TRIO: variants seen among roughly 807,000 people sequenced by gnomAD.
TRIO encodes triple functional domain protein.
In TRIO, 58 loss-of-function variants were observed where a neutral mutation model predicts 351.9. The observed-to-expected ratio is 0.16, with a 90% CI of 0.13 to 0.21. TRIO has a LOEUF of 0.21. Among genes scored for constraint, TRIO ranks in the 10% least tolerant of loss-of-function variants. The pLI, the probability that TRIO is intolerant of heterozygous loss-of-function variation, is 1.00. For synonymous variants in TRIO, 1,758 were observed against 1,595.7 expected (o/e 1.10, Z -2.42); for missense variants, 3,201 against 4,027.8 (o/e 0.79, Z 5.56).
At chr5:14,451,276 G>T (rs920113434) in intron 34 of TRIO, among the ~76,000 whole-genome samples, 1 of 151,688 alleles carries the variant, frequency 6.6e-6, no homozygotes, top group Non-Finnish European at 1.5e-5. Context: ...GATTAACTCA[G>T]TTTTTATGTG....
intron 1 of TRIO, among the ~76,000 whole-genome samples, chr5:14,147,480 T>A (rs1173717741): frequency 6.6e-6 from 1 of 152,186 alleles, no homozygotes; most frequent in African/African-American, 2.4e-5. Flanking sequence ...GGTGCTTACA[T>A]AAATGCAGTA....
intron 40 of TRIO, among the ~76,000 whole-genome samples, chr5:14,475,781 G>A (rs1755029948): frequency 6.6e-6 from 1 of 152,216 alleles, no homozygotes; most frequent in South Asian, 2.1e-4. Context: ...AAATGACACA[G>A]TGTTTCTGGG....
At chr5:14,381,383 T>A in intron 21 of TRIO, 131 bp downstream of exon 21, 21 of 1,134,806 alleles carry the variant, frequency 1.9e-5, no homozygotes, top group Non-Finnish European at 2.5e-5. Context: ...AACTGGAGGA[T>A]GCTTCCTCCT....
At chr5:14,372,982 A>G (rs1745249439) in intron 18 of TRIO, among the ~76,000 whole-genome samples, 2 of 152,218 alleles carry the variant, frequency 1.3e-5, no homozygotes, top group Non-Finnish European at 2.9e-5. Flanking sequence ...GAAAACTTAC[A>G]GTCACTGCAG....
At chr5:14,228,099 C>T (rs1222927908) in intron 1 of TRIO, among the ~76,000 whole-genome samples, 2 of 151,976 alleles carry the variant, frequency 1.3e-5, no homozygotes, top group Admixed American at 6.6e-5. Flanking sequence ...TTCTCATGTC[C>T]GATTTCCTAG....
chr5:14,441,109 C>G (rs751928671), intron 34 of TRIO: 3 of 152,612 alleles, frequency 2.0e-5, no homozygotes, highest in Non-Finnish European at 2.9e-5. Flanking sequence ...TGTGCCTGTC[C>G]CTGTCGCGTC....
At chr5:14,489,283 T>G in intron 48 of TRIO, 1 of 443,190 alleles carries the variant, frequency 2.3e-6, no homozygotes, top group Non-Finnish European at 4.0e-6. Context: ...TTTGTTAAAC[T>G]TTAATTGGGG....
At chr5:14,213,064 G>A (rs1229365123) in intron 1 of TRIO, among the ~76,000 whole-genome samples, 1 of 152,140 alleles carries the variant, frequency 6.6e-6, no homozygotes, top group African/African-American at 2.4e-5. Flanking sequence ...CAGGTGTGAG[G>A]TTCTTCCTGC....
intron 9 of TRIO, among the ~76,000 whole-genome samples, chr5:14,319,304 A>G (rs939656997): frequency 1.4e-4 from 21 of 152,248 alleles, no homozygotes; most frequent in Non-Finnish European, 2.2e-4. Context: ...TTGTGTGAAC[A>G]GGAAATTGCT....
intron 1 of TRIO, among the ~76,000 whole-genome samples, chr5:14,161,472 T>C (rs928041126): frequency 2.0e-5 from 3 of 152,174 alleles, no homozygotes; most frequent in African/African-American, 7.2e-5. Flanking sequence ...AACTGGATTC[T>C]GGACTGGTTC....
chr5:14,488,571 C>G (rs543345277), intron 48 of TRIO: 191 of 512,318 alleles, frequency 3.7e-4, no homozygotes, highest in Admixed American at 1.0e-3. Context: ...CTCTGCCTTC[C>G]TCACGCACCT....
chr5:14,276,518 A>G (rs1454795429), intron 2 of TRIO, among the ~76,000 whole-genome samples: 1 of 152,270 alleles, frequency 6.6e-6, no homozygotes, highest in African/African-American at 2.4e-5. Context: ...GACGTTAGCC[A>G]TCATTTCTCT....
chr5:14,402,862 G>A (rs573915008), intron 31 of TRIO, among the ~76,000 whole-genome samples: 9 of 152,078 alleles, frequency 5.9e-5, no homozygotes, highest in Non-Finnish European at 1.0e-4. Context: ...AGTGCAGGCA[G>A]TGGTAGTGTA....
chr5:14,395,199 G>C (rs1219993025), intron 28 of TRIO, among the ~76,000 whole-genome samples: 3 of 152,112 alleles, frequency 2.0e-5, no homozygotes, highest in Non-Finnish European at 4.4e-5. Context: ...TACTATTATG[G>C]GATTTTTCAA....
Position 14,421,629 on chromosome 5 carries a change from G to A in TRIO, c.5203+1608G>A, listed in dbSNP as rs1048067681. ...AAAAAAAAAAAAAAAAAGATTGTTT[G>A]TTCCCTTGCAGTGTTAGGAGCTGCG... On this transcript the variant is annotated intron_variant, in intron 34 of 56. Transcript: ENST00000344204. 1.3e-4 allele frequency among the ~76,000 whole-genome samples: 19 copies of A among 148,522 alleles called. 1 individual carries two copies. Among genetic ancestry groups the A allele is most frequent in the African/African-American group, 4.5e-4 (18 of 39,624 alleles).
chr5:14,417,378 T>A (rs1749734711), intron 33 of TRIO, among the ~76,000 whole-genome samples: 1 of 152,264 alleles, frequency 6.6e-6, no homozygotes, highest in South Asian at 2.1e-4. Context: ...TCTGAATATC[T>A]GAACTTTCTC....
At chr5:14,330,980 G>A (rs1271003343) in intron 10 of TRIO, 80 bp downstream of exon 10, 11 of 1,585,778 alleles carry the variant, frequency 6.9e-6, no homozygotes, top group African/African-American at 1.3e-5. Context: ...CCACATTTGA[G>A]ATAAGTTAGC....
chr5:14,487,390 C>A, intron 47 of TRIO, 74 bp from the exon 48 acceptor site: 1 of 1,080,074 alleles, frequency 9.3e-7, no homozygotes, highest in Non-Finnish European at 1.1e-6. Context: ...CCAGGGTGGG[C>A]CCTGTTCCTC....
chr5:14,481,757 TGA>T, intron 45 of TRIO, 139 bp downstream of exon 45: 1 of 668,310 alleles, frequency 1.5e-6, no homozygotes. Context: ...TCAATCTGAT[TGA>T]TATTTTATTT....
Sources: gnomAD v4.1 joint callset for allele counts (sites outside exome capture counted in the v4.1 genomes callset) on GRCh38, gnomAD v4.1.1 for gene constraint, MANE v1.5 for transcripts, NCBI Gene and HGNC (gene_info 2026-07-23, HGNC 2026-07-21) for gene names.